The following SGCD variants were observed in gnomAD, a reference collection of about 807,000 sequenced individuals.
The protein encoded by SGCD is delta-sarcoglycan.
A neutral mutation model predicts 36.6 loss-of-function variants in SGCD; 18 were observed. The observed-to-expected ratio is 0.49, with a 90% CI of 0.34 to 0.73. The LOEUF is 0.73. Among genes scored for constraint, SGCD ranks in the 30% least tolerant of loss-of-function variants. The pLI, the probability that SGCD is intolerant of heterozygous loss-of-function variation, is 0.01. For missense variants in SGCD, 387 were observed against 346.7 expected (o/e 1.12, Z -0.92); for synonymous variants, 133 against 130.6 (o/e 1.02, Z -0.12).
intron 3 of SGCD, among the ~76,000 whole-genome samples, chr5:156,472,068 C>G (rs2127828758): frequency 2.0e-5 from 3 of 152,226 alleles, no homozygotes; most frequent in Admixed American, 2.0e-4. Context: ...AGGTAATTTT[C>G]CATACACTAG....
At chr5:156,447,662 G>A (rs1177987603) in intron 3 of SGCD, among the ~76,000 whole-genome samples, 1 of 152,166 alleles carries the variant, frequency 6.6e-6, no homozygotes, top group Non-Finnish European at 1.5e-5. Flanking sequence ...GGAAGTTGAT[G>A]GAGGGTGGGA....
intron 3 of SGCD, among the ~76,000 whole-genome samples, chr5:156,364,145 T>G (rs1411700529): frequency 6.6e-6 from 1 of 151,832 alleles, no homozygotes; most frequent in Non-Finnish European, 1.5e-5. Flanking sequence ...CTCTCAGAAC[T>G]GAATCTACTG....
intron 7 of SGCD, among the ~76,000 whole-genome samples, chr5:156,683,436 G>C (rs1753793366): frequency 6.6e-6 from 1 of 152,164 alleles, no homozygotes; most frequent in East Asian, 1.9e-4. Flanking sequence ...TTTGTTGAAG[G>C]AGAGATAAAT....
intron 3 of SGCD, among the ~76,000 whole-genome samples, chr5:156,466,250 G>A (rs1329965277): frequency 6.6e-6 from 1 of 152,212 alleles, no homozygotes; most frequent in African/African-American, 2.4e-5. Flanking sequence ...GACAAGGGAA[G>A]TCATTTCATC....
intron 3 of SGCD, among the ~76,000 whole-genome samples, chr5:156,403,852 T>TC (rs397824122): frequency 1.3e-5 from 2 of 151,698 alleles, no homozygotes; most frequent in African/African-American, 4.9e-5. Context: ...TCTTTTTTTT[T>TC]GAGATGGAGG....
At chr5:155,998,920 GATC>G (rs1421832118) in intron 1 of SGCD, among the ~76,000 whole-genome samples, 3 of 152,160 alleles carry the variant, frequency 2.0e-5, no homozygotes, top group African/African-American at 7.2e-5. Flanking sequence ...TCCAAGCAGT[GATC>G]ATGTCTTATT....
At chr5:156,406,790 T>TTATATATATATATATA (rs200600544) in intron 3 of SGCD, among the ~76,000 whole-genome samples, 442 of 74,894 alleles carry the variant, frequency 5.9e-3, no homozygotes, top group South Asian at 0.013. Flanking sequence ...ATAGGAGATT[T>TTATATATATATATATA]TATATATATA....
At chr5:156,002,447 A>G (rs1319980558) in intron 1 of SGCD, among the ~76,000 whole-genome samples, 2 of 152,212 alleles carry the variant, frequency 1.3e-5, no homozygotes, top group Non-Finnish European at 2.9e-5. Flanking sequence ...AGTAATATAG[A>G]TGGGTATTCT....
chr5:156,341,818 C>T (rs1580845398), intron 2 of SGCD, among the ~76,000 whole-genome samples: 3 of 152,248 alleles, frequency 2.0e-5, no homozygotes, highest in South Asian at 2.1e-4. Flanking sequence ...TCAAGCAATT[C>T]TCCCTGCCTC....
chr5:156,225,552 C>T (rs1045150204), intron 3 of SGCD, among the ~76,000 whole-genome samples: 3 of 152,088 alleles, frequency 2.0e-5, no homozygotes, highest in Admixed American at 6.6e-5. Flanking sequence ...ACAATTTTGT[C>T]TTTAGGGCCA....
chr5:156,308,342 A>C (rs1767291120), intron 3 of SGCD, among the ~76,000 whole-genome samples: 1 of 149,686 alleles, frequency 6.7e-6, no homozygotes, highest in Non-Finnish European at 1.5e-5. Context: ...CCTGTCACCC[A>C]GGCTGGATTG....
At chr5:156,754,001 C>CT (rs1253033839) in intron 7 of SGCD, among the ~76,000 whole-genome samples, 1 of 152,184 alleles carries the variant, frequency 6.6e-6, no homozygotes, top group Non-Finnish European at 1.5e-5. Context: ...AGCCAGTTAC[C>CT]TTTTTTGTCA....
intron 3 of SGCD, among the ~76,000 whole-genome samples, chr5:156,409,565 G>A (rs996152430): frequency 2.0e-5 from 3 of 151,892 alleles, no homozygotes; most frequent in Admixed American, 6.6e-5. Flanking sequence ...CCCTTCTCTC[G>A]TTCTTACATT....
At chr5:156,032,900 T>C (rs1293850813) in intron 1 of SGCD, among the ~76,000 whole-genome samples, 2 of 150,828 alleles carry the variant, frequency 1.3e-5, no homozygotes, top group African/African-American at 4.9e-5. Flanking sequence ...GGAGACCCTA[T>C]CTCTACACAA....
At chr5:155,778,662 G>A in the SGCD span, among the ~76,000 whole-genome samples, 1 of 151,928 alleles carries the variant, frequency 6.6e-6, no homozygotes, top group Admixed American at 6.6e-5. Context: ...TTTTGGTTTA[G>A]CCTTCATCTC....
rs762293542 is a variant in SGCD, at chr5:155,981,708, C to T, written c.-282+111284C>T. ...CCCAGCCCCTGCCTTACCCAGGATG[C>T]TTTCCCATTCCTACAATGAATCTGT... On this transcript the variant is annotated intron_variant, in intron 1 of 9. Coordinates refer to the SGCD transcript ENST00000517913. Among the ~76,000 whole-genome samples the T allele has an allele frequency of 2.0e-5, 3 of 152,166 alleles. No individual in the cohort carries two copies. The South Asian group carries it at 6.2e-4, about 31-fold the overall frequency.
At chr5:156,381,057 T>C (rs1427318143) in intron 3 of SGCD, among the ~76,000 whole-genome samples, 1 of 152,142 alleles carries the variant, frequency 6.6e-6, no homozygotes, top group Non-Finnish European at 1.5e-5. Flanking sequence ...CTGAAAATAA[T>C]GGCAATTGAG....
chr5:155,756,679 G>A, the SGCD span, among the ~76,000 whole-genome samples: 1 of 152,160 alleles, frequency 6.6e-6, no homozygotes, highest in Non-Finnish European at 1.5e-5. Context: ...AATTTCATGT[G>A]GCTAGAATTG....
chr5:155,872,373 ACACACACACACACT>A, intron 1 of SGCD, among the ~76,000 whole-genome samples: 1 of 151,932 alleles, frequency 6.6e-6, no homozygotes, highest in Non-Finnish European at 1.5e-5. Flanking sequence ...ACACACACAC[ACACACACACACACT>A]CTCATGGAAA....
Sources: allele counts gnomAD v4.1 joint callset (sites outside exome capture counted in the v4.1 genomes callset), GRCh38; gene constraint gnomAD v4.1.1; transcripts MANE v1.5; gene names NCBI Gene and HGNC (gene_info 2026-07-23, HGNC 2026-07-21).